The following DLG2 variants were observed in gnomAD, a reference collection of about 807,000 sequenced individuals.
The protein encoded by DLG2 is disks large homolog 2.
In DLG2, 45 loss-of-function variants were observed where a neutral mutation model predicts 132.5. That is an observed-to-expected ratio of 0.34 (90% CI 0.27 to 0.44). DLG2 has a LOEUF of 0.44. DLG2 is among the 20% of genes least tolerant of loss of function. The pLI is 1.00. For missense variants in DLG2, 1,045 were observed against 1,196.9 expected, an observed-to-expected ratio of 0.87 and a Z score of 1.87; for synonymous variants, 424 against 419.6, an observed-to-expected ratio of 1.01 and a Z score of -0.13.
rs2060056254 is a variant in DLG2 at position 85,021,455 on chromosome 11, C to T, written c.357+90206G>A. The T allele has an allele frequency of 2.8e-6, 4 of 1,416,602 alleles. No individual in the cohort carries two copies. The South Asian group carries it at 4.6e-5, about 16-fold the overall frequency. The allele number at this position is 1,416,602 out of a possible 1,614,324, so 87.8% of individuals were successfully genotyped here. On this transcript the variant is annotated intron_variant, in intron 6 of 27. Coordinates refer to ENST00000376104, the MANE Select transcript of DLG2 (RefSeq NM_001142699.3). ...ATCATTCTGCCATCCTCTCCTGCTA[C>T]AGCAGCCCGGGCATTTCTCTCATTA...
chr11:85,615,863 C>G (rs1006119430), intron 2 of DLG2, among the ~76,000 whole-genome samples: 2 of 151,962 alleles, frequency 1.3e-5, no homozygotes, highest in Non-Finnish European at 2.9e-5. Flanking sequence ...GAACCCAAAC[C>G]ACTGATGGAA....
intron 4 of DLG2, among the ~76,000 whole-genome samples, chr11:85,200,921 C>T (rs569271870): frequency 6.6e-6 from 1 of 152,122 alleles, no homozygotes; most frequent in Non-Finnish European, 1.5e-5. Flanking sequence ...CAGCAGATCA[C>T]AAGGGGCCCC....
intron 7 of DLG2, among the ~76,000 whole-genome samples, chr11:84,294,125 A>C (rs960650879): frequency 4.6e-5 from 7 of 152,230 alleles, no homozygotes; most frequent in African/African-American, 1.4e-4. Context: ...ATACAGAGCA[A>C]GACTGGAAAT....
chr11:83,519,004 C>T lies in DLG2; in HGVS notation c.2193+13704G>A, dbSNP rs370396387. ...CACTGTGCAACTAGGCAAGAAAACC[C>T]ATCAAGTGTGGGGGTCAGGAACTTA... On this transcript the variant is annotated intron_variant, in intron 21 of 27. Transcript: ENST00000376104. Among the ~76,000 whole-genome samples, 11 of 152,264 alleles carry T rather than the reference C, an allele frequency of 7.2e-5. No homozygotes were observed. In the East Asian group the frequency reaches 1.7e-3, roughly 24 times the overall value.
At chr11:84,097,779 C>T (rs996392808) in intron 10 of DLG2, among the ~76,000 whole-genome samples, 3 of 152,108 alleles carry the variant, frequency 2.0e-5, no homozygotes, top group Non-Finnish European at 4.4e-5. Context: ...GATTTACAAC[C>T]TAGCAGGGGT....
chr11:83,692,935 G>A (rs887263536), intron 18 of DLG2: 3 of 152,136 alleles, frequency 2.0e-5, no homozygotes, highest in African/African-American at 7.2e-5. Context: ...CTAGCTTGAT[G>A]CAATGAATCT....
At chr11:83,914,723 C>T (rs761315870) in intron 15 of DLG2, among the ~76,000 whole-genome samples, 41 of 152,152 alleles carry the variant, frequency 2.7e-4, no homozygotes, top group Non-Finnish European at 5.6e-4. Flanking sequence ...CTACCCCACA[C>T]TGTTGATGGT....
At chr11:85,342,509 C>T (rs973257284) in intron 3 of DLG2, among the ~76,000 whole-genome samples, 2 of 152,170 alleles carry the variant, frequency 1.3e-5, no homozygotes, top group African/African-American at 4.8e-5. Context: ...TCTGAAGGAA[C>T]TGCCTGAGAC....
intron 7 of DLG2, among the ~76,000 whole-genome samples, chr11:84,291,922 C>G (rs1392522637): frequency 6.6e-6 from 1 of 152,122 alleles, no homozygotes; most frequent in African/African-American, 2.4e-5. Flanking sequence ...TTGGAAAACA[C>G]CCCCTCTATT....
chr11:85,586,554 C>T (rs1240835698), intron 3 of DLG2, among the ~76,000 whole-genome samples: 2 of 152,180 alleles, frequency 1.3e-5, no homozygotes, highest in Admixed American at 6.6e-5. Context: ...GTTGTAATAG[C>T]TCCCATTTCG....
intron 7 of DLG2, among the ~76,000 whole-genome samples, chr11:84,429,489 T>C (rs942956845): frequency 3.3e-5 from 5 of 152,122 alleles, no homozygotes; most frequent in African/African-American, 1.2e-4. Context: ...CCCATCCAAG[T>C]GAATCATCCA....
chr11:85,420,717 CT>C (rs1276851293), intron 3 of DLG2, among the ~76,000 whole-genome samples: 1 of 152,224 alleles, frequency 6.6e-6, no homozygotes, highest in African/African-American at 2.4e-5. Flanking sequence ...TTCCTGACAG[CT>C]TTGTTTACAC....
intron 6 of DLG2, among the ~76,000 whole-genome samples, chr11:84,806,379 T>C (rs1422526459): frequency 6.6e-6 from 1 of 152,128 alleles, no homozygotes; most frequent in Non-Finnish European, 1.5e-5. Flanking sequence ...CAGGCAATGA[T>C]ACATTATAGT....
At chr11:84,658,205 T>C (rs576860914) in intron 6 of DLG2, among the ~76,000 whole-genome samples, 1 of 152,200 alleles carries the variant, frequency 6.6e-6, no homozygotes, top group South Asian at 2.1e-4. Flanking sequence ...GATGAACTAT[T>C]TATGTTGAGG....
At chr11:84,563,598 G>A (rs1485354515) in intron 6 of DLG2, among the ~76,000 whole-genome samples, 20 of 152,216 alleles carry the variant, frequency 1.3e-4, no homozygotes, top group African/African-American at 4.1e-4. Context: ...AGGTTCAGAT[G>A]CTGTCTGTGT....
intron 19 of DLG2, among the ~76,000 whole-genome samples, chr11:83,611,850 CA>C (rs773069051): frequency 2.6e-5 from 4 of 152,124 alleles, no homozygotes; most frequent in Admixed American, 1.3e-4. Context: ...AATAGCTATT[CA>C]AAGATCATTT....
chr11:85,519,114 G>A (rs1031143482), intron 3 of DLG2, among the ~76,000 whole-genome samples: 5 of 152,182 alleles, frequency 3.3e-5, no homozygotes, highest in Non-Finnish European at 5.9e-5. Flanking sequence ...GAAGGGAAAT[G>A]TGAGGTTGGA....
At chr11:85,142,748 A>G (rs192765842) in intron 5 of DLG2, among the ~76,000 whole-genome samples, 4 of 151,770 alleles carry the variant, frequency 2.6e-5, no homozygotes, top group Admixed American at 2.6e-4. Flanking sequence ...TCTATGCCAC[A>G]TTTTTTAGCA....
At chr11:85,416,895 C>A (rs1261668480) in intron 3 of DLG2, among the ~76,000 whole-genome samples, 1 of 152,138 alleles carries the variant, frequency 6.6e-6, no homozygotes, top group Non-Finnish European at 1.5e-5. Flanking sequence ...CAAACAGAGA[C>A]AATTTGACTT....
Sources: gnomAD v4.1 joint callset for allele counts (sites outside exome capture counted in the v4.1 genomes callset) on GRCh38, gnomAD v4.1.1 for gene constraint, MANE v1.5 for transcripts, NCBI Gene and HGNC (gene_info 2026-07-23, HGNC 2026-07-21) for gene names.